SMAP1: variants seen among roughly 807,000 people sequenced by gnomAD.
SMAP1 encodes the protein stromal membrane-associated protein 1.
In SMAP1, 24 loss-of-function variants were observed where a neutral mutation model predicts 58.5. That is an observed-to-expected ratio of 0.41 (90% confidence interval 0.30 to 0.58). The LOEUF (loss-of-function observed/expected upper bound fraction) is 0.58, where lower values mean the gene tolerates loss of function less well. Ranked by LOEUF, SMAP1 falls within the 20% of genes least tolerant of loss-of-function variation. The pLI is 0.29. For synonymous variants in SMAP1, 216 were observed against 196.6 expected (o/e 1.10, Z -0.82); for missense variants, 563 against 566.3 (o/e 0.99, Z 0.06).
chr6:70,836,366 C>G (rs1194611550), intron 6 of SMAP1, among the ~76,000 whole-genome samples: 1 of 151,944 alleles, frequency 6.6e-6, no homozygotes, highest in Non-Finnish European at 1.5e-5. Context: ...GAAAGACCCG[C>G]CCCCGTGATT....
chr6:70,837,032 A>G lies in SMAP1; in HGVS notation c.664+4A>G. 1.9e-6 allele frequency: 3 copies of G among 1,564,790 alleles called. No individual in the cohort carries two copies. The highest frequency in any genetic ancestry group is 2.6e-6 in the Non-Finnish European group (3 of 1,158,880). On this transcript the variant is annotated splice_donor_region_variant and intron_variant, in intron 7 of 10. Coordinates refer to ENST00000370455, the MANE Select transcript of SMAP1 (RefSeq NM_001044305.3). ...ACTGTGGATCTTTTAGGACTTGGTA[A>G]GTAATAAAAAATAAAAGTCACTGCT...
intron 1 of SMAP1, chr6:70,668,820 T>C: frequency 1.5e-6 from 2 of 1,312,866 alleles, no homozygotes; most frequent in South Asian, 2.7e-5. Flanking sequence ...GGAATTTCAT[T>C]ACATGAGTCT....
intron 1 of SMAP1, among the ~76,000 whole-genome samples, chr6:70,677,166 C>CAT (rs1378592141): frequency 3.1e-4 from 46 of 147,238 alleles, no homozygotes; most frequent in African/African-American, 3.0e-4. Context: ...GTTTTGTCTT[C>CAT]ATATATATAT....
intron 4 of SMAP1, among the ~76,000 whole-genome samples, chr6:70,789,304 G>A (rs902780220): frequency 3.3e-5 from 5 of 151,880 alleles, no homozygotes; most frequent in African/African-American, 4.8e-5. Context: ...GAACCTTTTC[G>A]TCACTCCAAA....
Position 70,668,719 on chromosome 6 carries a change from G to A in SMAP1, c.118+578G>A, listed in dbSNP as rs777098749. On this transcript the variant is annotated intron_variant, in intron 1 of 10. Coordinates refer to ENST00000370455, the MANE Select transcript of SMAP1 (RefSeq NM_001044305.3). ...AAAGAGTATGGTGGTCTTTTTCGGT[G>A]GGTTTGAGTTTTACGGAATAAATTA... 6 of 1,536,080 alleles carry A rather than the reference G, an allele frequency of 3.9e-6. No homozygotes were observed. The South Asian group carries it at 7.1e-5, about 18-fold the overall frequency.
intron 1 of SMAP1, among the ~76,000 whole-genome samples, chr6:70,685,985 A>G (rs528244667): frequency 2.6e-5 from 4 of 152,246 alleles, no homozygotes; most frequent in Admixed American, 6.5e-5. Flanking sequence ...GGCTCACTGC[A>G]GCCTCAAACA....
At chr6:70,780,811 C>T (rs928093669) in intron 4 of SMAP1, among the ~76,000 whole-genome samples, 4 of 152,146 alleles carry the variant, frequency 2.6e-5, no homozygotes, top group Non-Finnish European at 4.4e-5. Context: ...TTGAGATTAG[C>T]GTAAAAGAGC....
intron 4 of SMAP1, among the ~76,000 whole-genome samples, chr6:70,784,234 T>G (rs1292398119): frequency 1.3e-4 from 19 of 151,938 alleles, no homozygotes; most frequent in Admixed American, 1.2e-3. Context: ...ATAAAATCCT[T>G]TACAGACAAG....
chr6:70,720,521 T>G (rs891087946), intron 1 of SMAP1, among the ~76,000 whole-genome samples: 1 of 152,152 alleles, frequency 6.6e-6, no homozygotes, highest in South Asian at 2.1e-4. Context: ...GGACTCTGTG[T>G]GGGGGCTCTG....
intron 4 of SMAP1, among the ~76,000 whole-genome samples, chr6:70,783,312 C>G (rs917365697): frequency 2.0e-5 from 3 of 152,146 alleles, no homozygotes; most frequent in Non-Finnish European, 4.4e-5. Flanking sequence ...ACGTCACCAT[C>G]ATCAAAGACC....
chr6:70,699,435 G>A (rs1767537632), intron 1 of SMAP1, among the ~76,000 whole-genome samples: 1 of 152,144 alleles, frequency 6.6e-6, no homozygotes, highest in South Asian at 2.1e-4. Flanking sequence ...AGGCCCAAGA[G>A]CTCTTCAGTC....
intron 2 of SMAP1, among the ~76,000 whole-genome samples, chr6:70,749,878 AG>A (rs1038841310): frequency 1.3e-5 from 2 of 152,212 alleles, no homozygotes; most frequent in Non-Finnish European, 2.9e-5. Flanking sequence ...ATTTGGCTTT[AG>A]TTGGCCTAGG....
At chr6:70,703,485 A>G (rs1420251540) in intron 1 of SMAP1, among the ~76,000 whole-genome samples, 1 of 152,240 alleles carries the variant, frequency 6.6e-6, no homozygotes, top group Non-Finnish European at 1.5e-5. Context: ...TTACTTGGAA[A>G]TAGCCTGACT....
At chr6:70,810,958 C>T (rs919248946) in intron 6 of SMAP1, among the ~76,000 whole-genome samples, 1 of 152,170 alleles carries the variant, frequency 6.6e-6, no homozygotes, top group Non-Finnish European at 1.5e-5. Context: ...AAGTTTATCT[C>T]TCTTTGGGAT....
intron 5 of SMAP1, among the ~76,000 whole-genome samples, chr6:70,792,753 C>G (rs117196889): frequency 0.024 from 3,654 of 152,152 alleles, 53 homozygotes; most frequent in Non-Finnish European, 0.037. Context: ...AGGCTCCTAT[C>G]TTTCTCATGA....
chr6:70,725,690 A>T (rs1768750813), intron 1 of SMAP1, among the ~76,000 whole-genome samples: 1 of 152,138 alleles, frequency 6.6e-6, no homozygotes, highest in South Asian at 2.1e-4. Context: ...TTTACATCTC[A>T]GTTGATTTTG....
chr6:70,822,497 C>A (rs1464237421), intron 6 of SMAP1, among the ~76,000 whole-genome samples: 1 of 152,082 alleles, frequency 6.6e-6, no homozygotes, highest in Non-Finnish European at 1.5e-5. Context: ...TGCTATATGG[C>A]TTTTCAGTCT....
chr6:70,795,451 A>T (rs1020836074), intron 5 of SMAP1, among the ~76,000 whole-genome samples: 3 of 152,170 alleles, frequency 2.0e-5, no homozygotes, highest in African/African-American at 7.2e-5. Flanking sequence ...GTGTCTTCTG[A>T]AGGGTCCACT....
chr6:70,852,308 T>C (rs887170691), intron 7 of SMAP1, among the ~76,000 whole-genome samples: 4 of 151,762 alleles, frequency 2.6e-5, no homozygotes, highest in Non-Finnish European at 5.9e-5. Flanking sequence ...AAAAAGGAGG[T>C]TTGGATATAT....
Sources: allele counts gnomAD v4.1 joint callset (sites outside exome capture counted in the v4.1 genomes callset), GRCh38; gene constraint gnomAD v4.1.1; transcripts MANE v1.5; gene names NCBI Gene and HGNC (gene_info 2026-07-23, HGNC 2026-07-21).